The following WWOX variants were observed in gnomAD, a reference collection of about 807,000 sequenced individuals.
WWOX encodes the protein WW domain-containing oxidoreductase.
WWOX carries 69 observed loss-of-function variants against 46.2 expected under a neutral mutation model. That is an observed-to-expected ratio of 1.49 (90% CI 1.23 to 1.82). The LOEUF is 1.82. Among genes scored for constraint, WWOX ranks in the 40% most tolerant of loss-of-function variants. WWOX has a pLI of 0.00. For synonymous variants in WWOX, 359 were observed against 202.6 expected, an observed-to-expected ratio of 1.77 and a Z score of -6.56; for missense variants, 919 against 542.6, an observed-to-expected ratio of 1.69 and a Z score of -6.89.
At chr16:78,982,631 G>T (rs2046705413) in intron 8 of WWOX, among the ~76,000 whole-genome samples, 1 of 152,160 alleles carries the variant, frequency 6.6e-6, no homozygotes, top group Non-Finnish European at 1.5e-5. Flanking sequence ...AGGCAGAGAA[G>T]GAGGGAAGGA....
At chr16:79,052,221 G>A (rs959921330) in intron 8 of WWOX, among the ~76,000 whole-genome samples, 48 of 145,260 alleles carry the variant, frequency 3.3e-4, no homozygotes, top group African/African-American at 1.2e-3. Flanking sequence ...CCCAGAGTGT[G>A]ATATTCCCCT....
At chr16:78,316,724 T>G (rs2080363808) in intron 5 of WWOX, among the ~76,000 whole-genome samples, 1 of 152,194 alleles carries the variant, frequency 6.6e-6, no homozygotes, top group Admixed American at 6.5e-5. Context: ...CTTTGCAATC[T>G]ATAAGCTTCT....
chr16:78,845,432 T>A (rs997992019), intron 8 of WWOX, among the ~76,000 whole-genome samples: 4 of 152,196 alleles, frequency 2.6e-5, no homozygotes, highest in African/African-American at 4.8e-5. Context: ...GCCTGGAAAC[T>A]GGAGTCAACT....
chr16:78,670,265 G>T (rs2047428493), intron 8 of WWOX, among the ~76,000 whole-genome samples: 1 of 152,112 alleles, frequency 6.6e-6, no homozygotes, highest in Non-Finnish European at 1.5e-5. Flanking sequence ...TCTACCCAGG[G>T]TCATATCCTT....
intron 8 of WWOX, among the ~76,000 whole-genome samples, chr16:78,996,951 C>T (rs1453952675): frequency 2.6e-5 from 4 of 152,248 alleles, no homozygotes; most frequent in African/African-American, 9.6e-5. Context: ...TCTCCCGCGC[C>T]TGGGAGGGCG....
rs554706630 is a variant in WWOX at position 78,849,928 on chromosome 16, C to T, written c.1057-361680C>T. ...TCTCTACTTAAAATACAAAATTAGC[C>T]GGGTGTGATGGCACAGGCCTGTAAT... On this transcript the variant is annotated intron_variant, in intron 8 of 8. Coordinates refer to ENST00000566780, the MANE Select transcript of WWOX (RefSeq NM_016373.4). Among the ~76,000 whole-genome samples the T allele has an allele frequency of 1.3e-4, 20 of 152,012 alleles. No homozygotes were observed. The South Asian group carries it at 2.3e-3, about 17-fold the overall frequency.
At chr16:78,912,464 C>G (rs1010444345) in intron 8 of WWOX, among the ~76,000 whole-genome samples, 3 of 151,828 alleles carry the variant, frequency 2.0e-5, no homozygotes, top group Admixed American at 6.6e-5. Context: ...CGTCTTCACC[C>G]AAAGCCACTA....
intron 8 of WWOX, among the ~76,000 whole-genome samples, chr16:79,171,147 G>C: frequency 6.6e-6 from 1 of 152,206 alleles, no homozygotes; most frequent in East Asian, 1.9e-4. Flanking sequence ...GAGTTGCCTT[G>C]GATATCACAC....
chr16:78,870,894 G>T (rs1167131864), intron 8 of WWOX, among the ~76,000 whole-genome samples: 3 of 152,182 alleles, frequency 2.0e-5, no homozygotes, highest in African/African-American at 7.2e-5. Flanking sequence ...GAGCCACCAT[G>T]CCCGGCCTAA....
chr16:78,959,578 T>C (rs1000205623), intron 8 of WWOX, among the ~76,000 whole-genome samples: 5 of 152,170 alleles, frequency 3.3e-5, no homozygotes, highest in African/African-American at 1.2e-4. Flanking sequence ...CATCTACTTC[T>C]AGGTTGTGAG....
Position 78,404,610 on chromosome 16 carries a change from G to T in WWOX, c.605+17662G>T, listed in dbSNP as rs146461013. Reference sequence around the variant, plus strand: ...TCATATCACAACTAAATTTCTTAAGGACGGGACTATGGTTCATTTGTCAGA... The same window carrying T: ...TCATATCACAACTAAATTTCTTAAGTACGGGACTATGGTTCATTTGTCAGA... On this transcript the variant is annotated intron_variant, in intron 6 of 8. Transcript: ENST00000566780. Among the ~76,000 whole-genome samples, 30 of 152,210 alleles carry T rather than the reference G, an allele frequency of 2.0e-4. 1 individual carries two copies. The East Asian group carries it at 5.8e-3, about 29-fold the overall frequency.
chr16:78,952,333 G>A (rs2046077430), intron 8 of WWOX, among the ~76,000 whole-genome samples: 1 of 151,596 alleles, frequency 6.6e-6, no homozygotes, highest in South Asian at 2.1e-4. Context: ...TTTCCTCTTG[G>A]CAGCAATGCA....
intron 8 of WWOX, among the ~76,000 whole-genome samples, chr16:78,784,621 A>T (rs1284038356): frequency 6.6e-6 from 1 of 152,194 alleles, no homozygotes; most frequent in Non-Finnish European, 1.5e-5. Context: ...GAGATAATAG[A>T]TATAAAGCAC....
chr16:78,485,928 A>T (rs2084625478), intron 8 of WWOX, among the ~76,000 whole-genome samples: 1 of 152,198 alleles, frequency 6.6e-6, no homozygotes, highest in South Asian at 2.1e-4. Context: ...TGGATACGTT[A>T]TTTATGGTGT....
chr16:78,117,408 C>T (rs1311903402), intron 4 of WWOX, among the ~76,000 whole-genome samples: 2 of 152,108 alleles, frequency 1.3e-5, no homozygotes, highest in Admixed American at 6.6e-5. Flanking sequence ...GGGAAGCATA[C>T]GTCTAGGTGA....
chr16:78,373,477 G>T (rs1026894710), intron 5 of WWOX, among the ~76,000 whole-genome samples: 1 of 152,188 alleles, frequency 6.6e-6, no homozygotes, highest in Non-Finnish European at 1.5e-5. Context: ...GTGACCATTA[G>T]TGGAAATGTA....
intron 8 of WWOX, among the ~76,000 whole-genome samples, chr16:78,824,343 A>G (rs1451634034): frequency 1.3e-5 from 2 of 152,178 alleles, no homozygotes; most frequent in Non-Finnish European, 2.9e-5. Context: ...TACTGTATTC[A>G]GTCCAAGCTC....
chr16:79,098,343 G>C (rs2049118828), intron 8 of WWOX, among the ~76,000 whole-genome samples: 1 of 152,216 alleles, frequency 6.6e-6, no homozygotes, highest in African/African-American at 2.4e-5. Flanking sequence ...ACAGACACCT[G>C]ACTCCCAGTG....
At chr16:78,625,831 A>T (rs538327588) in intron 8 of WWOX, among the ~76,000 whole-genome samples, 1 of 146,800 alleles carries the variant, frequency 6.8e-6, no homozygotes, top group South Asian at 2.1e-4. Context: ...GCAAATGGCA[A>T]TTGCGGTTTT....
Sources: gnomAD v4.1 joint callset for allele counts (sites outside exome capture counted in the v4.1 genomes callset) on GRCh38, gnomAD v4.1.1 for gene constraint, MANE v1.5 for transcripts, NCBI Gene and HGNC (gene_info 2026-07-23, HGNC 2026-07-21) for gene names.